The following MBOAT1 variants were observed in gnomAD, a reference collection of about 807,000 sequenced individuals.
MBOAT1 encodes the protein membrane bound glycerophospholipid O-acyltransferase 1.
In MBOAT1, 67 loss-of-function variants were observed where a neutral mutation model predicts 64.4. The ratio of observed to expected loss-of-function variants is 1.04; its 90% CI spans 0.85 to 1.27. MBOAT1 has a LOEUF of 1.27. Among genes scored for constraint, MBOAT1 ranks in the 50% most tolerant of loss-of-function variants. The pLI is 0.00. For synonymous variants in MBOAT1, 229 were observed against 218.9 expected, an observed-to-expected ratio of 1.05 and a Z score of -0.41; for missense variants, 563 against 604.6, an observed-to-expected ratio of 0.93 and a Z score of 0.72.
chr6:20,105,454 G>A (rs1219174226), intron 12 of MBOAT1, among the ~76,000 whole-genome samples: 2 of 152,292 alleles, frequency 1.3e-5, no homozygotes, highest in Admixed American at 6.5e-5. Flanking sequence ...TGCCATCTAC[G>A]AAAGTTTCTA....
chr6:20,134,280 G>A (rs1047051509), intron 4 of MBOAT1, among the ~76,000 whole-genome samples: 1 of 151,928 alleles, frequency 6.6e-6, no homozygotes, highest in Admixed American at 6.6e-5. Context: ...AATAGCTAGA[G>A]CAAAGTCAAT....
intron 1 of MBOAT1, 133 bp from the exon 2 acceptor site, chr6:20,152,902 G>C (rs756299931): frequency 2.2e-6 from 2 of 912,186 alleles, no homozygotes; most frequent in African/African-American, 1.7e-5. Context: ...GCGCAAACTC[G>C]GCTCACTGCA....
At chr6:20,132,031 T>C (rs148060401) in intron 4 of MBOAT1, among the ~76,000 whole-genome samples, 7 of 151,020 alleles carry the variant, frequency 4.6e-5, no homozygotes, top group Non-Finnish European at 8.9e-5. Context: ...TACAGGTATA[T>C]ACCATCGCGC....
rs778797100 is a variant in MBOAT1 at position 20,171,804 on chromosome 6, C to T, written c.100-19035G>A. 3.3e-5 allele frequency among the ~76,000 whole-genome samples: 5 copies of T among 152,070 alleles called. No individual in the cohort carries two copies. The South Asian group carries it at 8.3e-4, about 25-fold the overall frequency. On this transcript the variant is annotated intron_variant, in intron 1 of 12. Coordinates refer to ENST00000324607, the MANE Select transcript of MBOAT1 (RefSeq NM_001080480.3). The stretch of plus-strand genomic sequence containing the variant: ...ATCCCACTACTTTGGGAGGCCAAGG[C>T]GAGATAAATGCTTGAGCCCAGGAGT...
At chr6:20,168,518 GAGAGGAGAGA>G (rs1281762987) in intron 1 of MBOAT1, among the ~76,000 whole-genome samples, 25 of 116,000 alleles carry the variant, frequency 2.2e-4, no homozygotes, top group Non-Finnish European at 3.1e-4. Context: ...GAGAGGAGAG[GAGAGGAGAGA>G]AGAGGAGAGG....
intron 1 of MBOAT1, among the ~76,000 whole-genome samples, chr6:20,200,968 A>C (rs1339612598): frequency 6.6e-6 from 1 of 152,202 alleles, no homozygotes; most frequent in African/African-American, 2.4e-5. Flanking sequence ...CTACAAAAAA[A>C]TACACAGTTG....
At position 20,135,261 on chromosome 6, in the gene MBOAT1, C is replaced by A. The variant is rs1760951219; in HGVS notation, c.420-4062G>T. Among the ~76,000 whole-genome samples, 3 of 151,732 alleles carry A rather than the reference C, an allele frequency of 2.0e-5. No individual in the cohort carries two copies. In the South Asian group the frequency reaches 6.2e-4, roughly 32 times the overall value. On this transcript the variant is annotated intron_variant, in intron 4 of 12. Coordinates refer to ENST00000324607, the MANE Select transcript of MBOAT1 (RefSeq NM_001080480.3). ...AAAAATCTTATGTTTCTTCTTGAAA[C>A]TAAGATCATTAGTCAAGACTAGACA...
At chr6:20,151,118 A>G in intron 3 of MBOAT1, 67 bp downstream of exon 3, 1 of 1,172,044 alleles carries the variant, frequency 8.5e-7, no homozygotes, top group East Asian at 2.4e-5. Context: ...TTTACACTGG[A>G]AATATATTTC....
At chr6:20,108,546 A>G (rs1027203959) in intron 12 of MBOAT1, among the ~76,000 whole-genome samples, 3 of 152,252 alleles carry the variant, frequency 2.0e-5, no homozygotes, top group Non-Finnish European at 2.9e-5. Context: ...AGACACTGAT[A>G]CACATATTGA....
intron 1 of MBOAT1, among the ~76,000 whole-genome samples, chr6:20,210,935 C>T (rs1763399696): frequency 6.8e-6 from 1 of 147,008 alleles, no homozygotes; most frequent in African/African-American, 2.7e-5. Flanking sequence ...ATGTCCGCCT[C>T]TGCCTGGGTC....
Position 20,133,743 on chromosome 6 carries a change from T to C in MBOAT1, c.420-2544A>G, listed in dbSNP as rs191931731. Among the ~76,000 whole-genome samples the C allele has an allele frequency of 2.2e-4, 34 of 152,318 alleles. No homozygotes were observed. In the East Asian group the frequency reaches 6.4e-3, roughly 28 times the overall value. ...GAAAAAGAACATTTGTTTTCCTCTA[T>C]CTTGGGTTAGACCTAATGTATTCCA... On this transcript the variant is annotated intron_variant, in intron 4 of 12. Transcript: ENST00000324607.
At chr6:20,144,082 C>T (rs1761258101) in intron 4 of MBOAT1, 138 bp downstream of exon 4, 1 of 620,234 alleles carries the variant, frequency 1.6e-6, no homozygotes, top group South Asian at 1.9e-5. Flanking sequence ...TCTCCAGCCT[C>T]AATCCCATTA....
At chr6:20,126,797 C>T (rs1038856875) in intron 6 of MBOAT1, 97 bp from the exon 7 acceptor site, 5 of 847,488 alleles carry the variant, frequency 5.9e-6, no homozygotes, top group African/African-American at 1.7e-5. Flanking sequence ...TCTGTAGATT[C>T]GATACATGAC....
chr6:20,138,924 C>T (rs183734641), intron 4 of MBOAT1, among the ~76,000 whole-genome samples: 68 of 152,304 alleles, frequency 4.5e-4, no homozygotes, highest in Non-Finnish European at 9.3e-4. Context: ...TCCTTCCTTG[C>T]TTCCGGTGAC....
chr6:20,173,584 A>T (rs1762261298), intron 1 of MBOAT1, among the ~76,000 whole-genome samples: 1 of 152,236 alleles, frequency 6.6e-6, no homozygotes, highest in Admixed American at 6.5e-5. Context: ...AACAGACCAG[A>T]AATCAGACAA....
chr6:20,121,107 A>T (rs1760480351), intron 8 of MBOAT1, among the ~76,000 whole-genome samples: 1 of 152,226 alleles, frequency 6.6e-6, no homozygotes, highest in South Asian at 2.1e-4. Flanking sequence ...CAAAAGAAAT[A>T]GTTTGATTAT....
At chr6:20,105,050 G>C (rs142801214) in intron 12 of MBOAT1, among the ~76,000 whole-genome samples, 2 of 152,298 alleles carry the variant, frequency 1.3e-5, no homozygotes, top group East Asian at 3.9e-4. Context: ...ATTGAGAGTG[G>C]AAAAAGTGCT....
intron 9 of MBOAT1, among the ~76,000 whole-genome samples, chr6:20,118,002 T>C (rs1366583880): frequency 6.6e-6 from 1 of 152,196 alleles, no homozygotes; most frequent in Non-Finnish European, 1.5e-5. Context: ...TTCTTACAAG[T>C]GAATGGATTA....
intron 11 of MBOAT1, 106 bp from the exon 12 acceptor site, chr6:20,109,855 G>C: frequency 1.1e-6 from 1 of 878,360 alleles, no homozygotes; most frequent in Non-Finnish European, 1.5e-6. Context: ...GGCTACAGAA[G>C]ATAACCAACA....
Sources: gnomAD v4.1 joint callset for allele counts (sites outside exome capture counted in the v4.1 genomes callset) on GRCh38, gnomAD v4.1.1 for gene constraint, MANE v1.5 for transcripts, NCBI Gene and HGNC (gene_info 2026-07-23, HGNC 2026-07-21) for gene names.